GRAMD1A: variants seen among roughly 807,000 people sequenced by gnomAD.
GRAMD1A encodes protein Aster-A.
A neutral mutation model predicts 92.0 loss-of-function variants in GRAMD1A; 50 were observed. The observed-to-expected ratio is 0.54, with a 90% CI of 0.43 to 0.69. The LOEUF (loss-of-function observed/expected upper bound fraction) is 0.69, where lower values mean the gene tolerates loss of function less well. Ranked by LOEUF, GRAMD1A falls within the 30% of genes least tolerant of loss-of-function variation. The probability of loss-of-function intolerance (pLI) is 0.00; values close to 1 mark genes in which losing one functional copy is unlikely to be tolerated. For missense variants in GRAMD1A, 819 were observed against 978.9 expected (o/e 0.84, Z 2.18); for synonymous variants, 405 against 403.6 (o/e 1.00, Z -0.04).
At chr19:34,998,929 G>T (rs928593586), upstream of GRAMD1A, among the ~76,000 whole-genome samples, 1 of 151,828 alleles carries the variant, frequency 6.6e-6, no homozygotes, top group Non-Finnish European at 1.5e-5. Flanking sequence ...GAGCCAGGGG[G>T]AGATGAGGAG....
chr19:35,023,356 C>T lies in GRAMD1A; in HGVS notation c.1961+13C>T, dbSNP rs201980538. 8.9e-5 allele frequency: 143 copies of T among 1,613,954 alleles called. 1 individual carries two copies. In the East Asian group the frequency reaches 3.1e-3, roughly 35 times the overall value. On this transcript the variant is annotated intron_variant, in intron 18 of 19. Transcript: ENST00000317991. ...CCCTGGCCAAGGGGTGAGTGGGTAG[C>T]CTGGGGAAATGGGGGGGCTTGGGCA...
upstream of GRAMD1A, among the ~76,000 whole-genome samples, chr19:34,995,637 A>C (rs1238689054): frequency 7.1e-6 from 1 of 140,088 alleles, no homozygotes; most frequent in Non-Finnish European, 1.5e-5. Context: ...GCTGGAGTGC[A>C]ATGGCACAAT....
intron 19 of GRAMD1A, among the ~76,000 whole-genome samples, chr19:35,024,661 T>C (rs1244058154): frequency 6.7e-6 from 1 of 149,064 alleles, no homozygotes; most frequent in Non-Finnish European, 1.5e-5. Flanking sequence ...GGGGTCTCAT[T>C]GCCCCCCGAA....
At chr19:35,007,853 A>G (rs1325323111) in intron 1 of GRAMD1A, among the ~76,000 whole-genome samples, 2 of 152,160 alleles carry the variant, frequency 1.3e-5, no homozygotes, top group Non-Finnish European at 2.9e-5. Flanking sequence ...AGCCTGAGTG[A>G]CAGAGCGAGA....
intron 6 of GRAMD1A, 200 bp downstream of exon 6, chr19:35,010,579 C>G (rs572336342): frequency 1.7e-4 from 101 of 603,334 alleles, no homozygotes; most frequent in African/African-American, 1.5e-3. Flanking sequence ...CAACCTGTTA[C>G]CTCACACAGC....
In GRAMD1A at chr19:35,023,288, C is replaced by T. The variant is rs1224591877; in HGVS notation, c.1906C>T (p.Leu636=). ...NVLLFYRLWS[L]ERTAHTFESW... The stretch of plus-strand genomic sequence containing the variant: ...CCTGCTCTTCTACCGCCTCTGGTCC[C>T]TGGAAAGGACAGCCCACACCTTTGA... Residue 636 remains leucine, a synonymous_variant, in exon 18 of 20, where the codon CTG becomes TTG. Transcript: ENST00000317991. 1.2e-6 allele frequency: 2 copies of T among 1,614,180 alleles called. No individual in the cohort carries two copies. The highest frequency in any genetic ancestry group is 1.3e-5 in the African/African-American group (1 of 75,070).
intron 19 of GRAMD1A, 51 bp from the exon 20 acceptor site, chr19:35,025,998 C>T (rs1254801128): frequency 3.3e-6 from 3 of 911,124 alleles, no homozygotes; most frequent in Admixed American, 1.7e-5. Context: ...GGCGACATCA[C>T]CCCCCAGCCT....
At chr19:35,006,975 G>A (rs771130800) in intron 1 of GRAMD1A, among the ~76,000 whole-genome samples, 9 of 152,198 alleles carry the variant, frequency 5.9e-5, no homozygotes, top group East Asian at 3.9e-4. Flanking sequence ...AGGCCTTGGC[G>A]TGGGAATGAG....
intron 1 of GRAMD1A, chr19:35,005,860 C>T (rs963977817): frequency 6.6e-6 from 3 of 456,130 alleles, no homozygotes; most frequent in Non-Finnish European, 1.3e-5. Context: ...TCCTGAAGGA[C>T]AAATAAGGAT....
At chr19:35,023,608 C>T (rs868066330) in intron 19 of GRAMD1A, 61 bp downstream of exon 19, 24 of 1,462,486 alleles carry the variant, frequency 1.6e-5, no homozygotes, top group Middle Eastern at 5.0e-4. Context: ...TGTGTTGAAA[C>T]CCCACCGTGC....
At chr19:35,010,035 GGC>G in intron 4 of GRAMD1A, 55 bp from the exon 5 acceptor site, 1 of 1,528,308 alleles carries the variant, frequency 6.5e-7, no homozygotes. Context: ...CCAGCCCGCG[GGC>G]GCCGGCTGAG....
chr19:35,015,726 C>T, intron 10 of GRAMD1A, 98 bp from the exon 11 acceptor site: 1 of 1,213,604 alleles, frequency 8.2e-7, no homozygotes, highest in South Asian at 1.5e-5. Context: ...GTGGGGTCCG[C>T]CCATGCACAC....
chr19:34,996,401 A>T, upstream of GRAMD1A: 1 of 837,920 alleles, frequency 1.2e-6, no homozygotes. Context: ...CCTTAGCCCC[A>T]CAGAGGGCTG....
rs765051083 is a variant in GRAMD1A, at chr19:35,014,325, T to C, written c.1007T>C (p.Leu336Pro). Reference sequence around the variant, plus strand: ...CCCACCACCCTGGGCCCCTTGGATCTGCTGCCCAGTGAGGAGCTATTGACA... The same window carrying C: ...CCCACCACCCTGGGCCCCTTGGATCCGCTGCCCAGTGAGGAGCTATTGACA... ...DGPTTLGPLD[L>P]LPSEELLTDT... Residue 336 changes from leucine (L) to proline (P), a missense_variant, in exon 10 of 20, where the codon CTG (leucine) becomes CCG (proline). Transcript: ENST00000317991. 3 of 1,614,162 alleles carry C rather than the reference T, an allele frequency of 1.9e-6. No individual in the cohort carries two copies. The highest frequency in any genetic ancestry group is 4.5e-5 in the East Asian group (2 of 44,878).
rs779386911 is a variant in GRAMD1A at position 35,026,166 on chromosome 19, C to T, written c.*25C>T. On this transcript the variant is annotated 3_prime_UTR_variant, in exon 20 of 20. Transcript: ENST00000317991. ...AGGACCCCGGCCACGCAGCTGTTCCCCCACATGGACAGATGGACACACAGA... is the reference window on the plus strand; with the variant it reads ...AGGACCCCGGCCACGCAGCTGTTCCTCCACATGGACAGATGGACACACAGA... 13 of 1,178,652 alleles carry T rather than the reference C, an allele frequency of 1.1e-5. No individual in the cohort carries two copies. The highest frequency in any genetic ancestry group is 1.1e-4 in the South Asian group (9 of 82,574). 73.0% of individuals were successfully genotyped at this position (1,178,652 alleles called of 1,614,324 possible). A position where few individuals can be genotyped will look rare whatever the true frequency, so the allele number is the denominator to read the frequency against.
Position 35,023,229 on chromosome 19 carries a change from T to C in GRAMD1A, c.1854-7T>C. Reference sequence around the variant, plus strand: ...CAGGAATCCTGACCTCTGACCCCTGTCCCCAGCCTTATCATCCTCATCGCC... The same window carrying C: ...CAGGAATCCTGACCTCTGACCCCTGCCCCCAGCCTTATCATCCTCATCGCC... On this transcript the variant is annotated splice_region_variant and splice_polypyrimidine_tract_variant and intron_variant, in intron 17 of 19. Transcript: ENST00000317991. 6.2e-7 allele frequency: 1 copy of C among 1,609,826 alleles called. No individual in the cohort carries two copies. Among genetic ancestry groups the C allele is most frequent in the Non-Finnish European group, 8.5e-7 (1 of 1,176,104 alleles).
At chr19:35,004,653 G>A (rs2014666437) in intron 1 of GRAMD1A, among the ~76,000 whole-genome samples, 1 of 152,114 alleles carries the variant, frequency 6.6e-6, no homozygotes, top group Non-Finnish European at 1.5e-5. Context: ...TGAAAGGCTG[G>A]AGTTGAGGGT....
upstream of GRAMD1A, chr19:35,000,243 G>A: frequency 9.8e-7 from 1 of 1,024,852 alleles, no homozygotes; most frequent in Non-Finnish European, 1.2e-6. The surrounding 1 kb of genome is among the most constrained non-coding windows in gnomAD (Gnocchi z 4.9). Context: ...CTCCCGGGCT[G>A]GGGGCGGCGC....
intron 11 of GRAMD1A, among the ~76,000 whole-genome samples, chr19:35,018,937 A>G (rs192453537): frequency 6.6e-6 from 1 of 151,806 alleles, no homozygotes; most frequent in Admixed American, 6.6e-5. Context: ...AAGGTGTTCA[A>G]AAGATTACAG....
Sources: allele counts gnomAD v4.1 joint callset (sites outside exome capture counted in the v4.1 genomes callset), GRCh38; gene constraint gnomAD v4.1.1; non-coding constraint Gnocchi (gnomAD v3.1); transcripts MANE v1.5; gene names NCBI Gene and HGNC (gene_info 2026-07-23, HGNC 2026-07-21).